The following LCORL variants were observed in gnomAD, a reference collection of about 807,000 sequenced individuals.
The protein encoded by LCORL is ligand-dependent nuclear receptor corepressor-like protein.
Under a neutral mutation model 141.8 loss-of-function variants are expected in LCORL, and 41 were observed. The observed-to-expected ratio is 0.29, with a 90% CI of 0.23 to 0.38. The LOEUF is 0.38. Ranked by LOEUF, LCORL falls within the 10% of genes least tolerant of loss-of-function variation. The pLI is 1.00. For missense variants in LCORL, 1,759 were observed against 2,035.0 expected (o/e 0.86, Z 2.61); for synonymous variants, 618 against 694.1 (o/e 0.89, Z 1.72).
chr4:17,862,982 G>A (rs1368597800), intron 7 of LCORL, among the ~76,000 whole-genome samples: 2 of 139,670 alleles, frequency 1.4e-5, no homozygotes, highest in African/African-American at 6.0e-5. Flanking sequence ...GAGTTTATAA[G>A]ATGAACTTAA....
intron 4 of LCORL, among the ~76,000 whole-genome samples, chr4:17,937,526 T>C (rs891313714): frequency 6.6e-6 from 1 of 152,206 alleles, no homozygotes; most frequent in African/African-American, 2.4e-5. Context: ...TTTTCACTAA[T>C]AATTTCATTC....
chr4:17,861,096 C>T (rs181558809), intron 7 of LCORL, among the ~76,000 whole-genome samples: 1 of 152,332 alleles, frequency 6.6e-6, no homozygotes, highest in East Asian at 1.9e-4. Flanking sequence ...CGATGGCCCT[C>T]TTCTCACAGT....
chr4:17,924,759 C>A (rs909366857), intron 4 of LCORL, among the ~76,000 whole-genome samples: 43 of 152,262 alleles, frequency 2.8e-4, no homozygotes, highest in African/African-American at 9.9e-4. Flanking sequence ...ATTCACTGGT[C>A]TTACCATGTT....
intron 1 of LCORL, among the ~76,000 whole-genome samples, chr4:18,014,483 T>TA (rs892369185): frequency 7.3e-4 from 105 of 143,828 alleles, no homozygotes; most frequent in South Asian, 1.3e-3. Context: ...GCTTACTGCA[T>TA]AAAAAAAAAA....
chr4:17,991,871 A>C (rs1291628162), intron 1 of LCORL, among the ~76,000 whole-genome samples: 1 of 147,976 alleles, frequency 6.8e-6, no homozygotes, highest in Non-Finnish European at 1.5e-5. Context: ...TGCTCAATCT[A>C]ATCTCTCCTC....
chr4:17,897,213 C>CT (rs761784734), intron 5 of LCORL, among the ~76,000 whole-genome samples: 21 of 63,978 alleles, frequency 3.3e-4, no homozygotes, highest in African/African-American at 1.0e-3. Context: ...ATACTGATTT[C>CT]TTTTTTTTTT....
intron 1 of LCORL, among the ~76,000 whole-genome samples, chr4:18,011,443 A>C (rs1378559021): frequency 8.5e-5 from 13 of 152,234 alleles, no homozygotes; most frequent in African/African-American, 2.2e-4. Context: ...AAAAAAAAAA[A>C]AACAACTTCA....
intron 7 of LCORL, among the ~76,000 whole-genome samples, chr4:17,867,312 C>A (rs561385900): frequency 6.6e-6 from 1 of 151,592 alleles, no homozygotes; most frequent in East Asian, 1.9e-4. Context: ...TGTAGTGATA[C>A]GAACAGAGTC....
chr4:17,852,807 G>A (rs1169241222), intron 7 of LCORL, among the ~76,000 whole-genome samples: 1 of 152,106 alleles, frequency 6.6e-6, no homozygotes, highest in Non-Finnish European at 1.5e-5. Context: ...ATAATTATTT[G>A]TGATTTAAAT....
chr4:17,964,347 C>G (rs1714433258), intron 2 of LCORL, among the ~76,000 whole-genome samples: 1 of 152,048 alleles, frequency 6.6e-6, no homozygotes, highest in African/African-American at 2.4e-5. Context: ...ATCACATCAT[C>G]TAACTTATTT....
chr4:17,867,946 T>C (rs1725881349), intron 7 of LCORL, among the ~76,000 whole-genome samples: 2 of 152,158 alleles, frequency 1.3e-5, no homozygotes, highest in Non-Finnish European at 2.9e-5. Flanking sequence ...CTAAGAAAAT[T>C]ACAGGGGAAA....
chr4:17,853,865 C>G (rs978346349), intron 7 of LCORL, among the ~76,000 whole-genome samples: 2 of 151,440 alleles, frequency 1.3e-5, no homozygotes, highest in Admixed American at 1.3e-4. Flanking sequence ...AACCCTCAAG[C>G]AGTACTTACT....
intron 1 of LCORL, among the ~76,000 whole-genome samples, chr4:17,992,174 C>A (rs1237445679): frequency 6.6e-6 from 1 of 152,116 alleles, no homozygotes; most frequent in Non-Finnish European, 1.5e-5. Context: ...GCTAGGGAGG[C>A]CTCAAATAAC....
chr4:17,916,255 G>A (rs781759533), intron 4 of LCORL, among the ~76,000 whole-genome samples: 3 of 152,144 alleles, frequency 2.0e-5, no homozygotes, highest in Non-Finnish European at 2.9e-5. Flanking sequence ...GAGACTGAGC[G>A]CCCATCTCCT....
At chr4:17,929,170 T>A (rs993718171) in intron 4 of LCORL, among the ~76,000 whole-genome samples, 1 of 152,214 alleles carries the variant, frequency 6.6e-6, no homozygotes, top group African/African-American at 2.4e-5. Context: ...GTTCACAGAT[T>A]GAAGAACTTA....
intron 7 of LCORL, 135 bp downstream of exon 7, chr4:17,873,253 T>G (rs986787387): frequency 2.0e-5 from 10 of 494,426 alleles, no homozygotes; most frequent in Admixed American, 8.8e-5. Context: ...AGTTTCATAC[T>G]AGGTGCCAAG....
rs1014686895 is a variant in LCORL at position 18,004,057 on chromosome 4, T to C, written c.154+17541A>G. ...GAGCTTTTGAACCAAAGCACAGAAC[T>C]TGTAAGTAGAAGGGAACTCCATTCT... On this transcript the variant is annotated intron_variant, in intron 1 of 7. Coordinates refer to ENST00000635767, the Ensembl canonical transcript of LCORL. 3.3e-5 allele frequency among the ~76,000 whole-genome samples: 5 copies of C among 152,288 alleles called. No individual in the cohort carries two copies. In the East Asian group the frequency reaches 5.8e-4, roughly 18 times the overall value.
At chr4:17,897,046 A>T (rs1400627370) in intron 5 of LCORL, among the ~76,000 whole-genome samples, 1 of 151,882 alleles carries the variant, frequency 6.6e-6, no homozygotes, top group Non-Finnish European at 1.5e-5. Context: ...AAATGAAAGG[A>T]TCTCATTCTT....
intron 4 of LCORL, among the ~76,000 whole-genome samples, chr4:17,956,003 T>A (rs933153385): frequency 1.3e-5 from 2 of 151,946 alleles, no homozygotes; most frequent in African/African-American, 4.8e-5. Context: ...ATGACCTGAA[T>A]AGACATTTCG....
Sources: gnomAD v4.1 joint callset for allele counts (sites outside exome capture counted in the v4.1 genomes callset) on GRCh38, gnomAD v4.1.1 for gene constraint, MANE v1.5 for transcripts, NCBI Gene and HGNC (gene_info 2026-07-23, HGNC 2026-07-21) for gene names.